SUGCT: variants seen among roughly 807,000 people sequenced by gnomAD.
The protein encoded by SUGCT is succinyl-CoA:glutarate-CoA transferase.
A neutral mutation model predicts 55.0 loss-of-function variants in SUGCT; 41 were observed. The observed-to-expected ratio is 0.74, with a 90% CI of 0.58 to 0.97. The LOEUF is 0.97. SUGCT is among the 50% of genes least tolerant of loss of function. The pLI is 0.00. For synonymous variants in SUGCT, 187 were observed against 200.4 expected, an observed-to-expected ratio of 0.93 and a Z score of 0.56; for missense variants, 568 against 547.8, an observed-to-expected ratio of 1.04 and a Z score of -0.37.
intron 10 of SUGCT, among the ~76,000 whole-genome samples, chr7:40,455,423 T>G (rs1471986685): frequency 3.3e-5 from 5 of 152,210 alleles, no homozygotes; most frequent in Admixed American, 3.3e-4. Flanking sequence ...CCCAACTCTA[T>G]GCTGTCCAAT....
chr7:40,479,074 A>G (rs566433710), intron 11 of SUGCT, among the ~76,000 whole-genome samples: 1 of 152,190 alleles, frequency 6.6e-6, no homozygotes, highest in East Asian at 1.9e-4. Flanking sequence ...ACCTATATAT[A>G]TACACACACA....
At position 40,609,833 on chromosome 7, in the gene SUGCT, G is replaced by A. The variant is rs185254991; in HGVS notation, c.1089+113447G>A. Among the ~76,000 whole-genome samples the A allele has an allele frequency of 3.4e-3, 510 of 152,232 alleles. 2 individuals are homozygous for A. Among genetic ancestry groups the A allele is most frequent in the African/African-American group, 0.012 (483 of 41,550 alleles). On this transcript the variant is annotated intron_variant, in intron 12 of 13. Transcript: ENST00000335693. ...ATAAGTCGACATTTCAAAACGCTAA[G>A]TGATTTGTTTTTTGATTTTTTTTAA...
rs1000199825 is a variant in SUGCT at position 40,139,146 on chromosome 7, A to G, written c.100+4026A>G. Among the ~76,000 whole-genome samples, 19 of 150,074 alleles carry G rather than the reference A, an allele frequency of 1.3e-4. 1 individual carries two copies. Among genetic ancestry groups the G allele is most frequent in the African/African-American group, 4.4e-4 (18 of 40,552 alleles). The stretch of plus-strand genomic sequence containing the variant: ...GGCTCAAAAATAAATAAATAAATAA[A>G]TAAATAAATAAATAAATAAATAAAT... On this transcript the variant is annotated intron_variant, in intron 1 of 13. Transcript: ENST00000335693.
At position 40,617,475 on chromosome 7, in the gene SUGCT, ATGTGTGTGTGTGTG is replaced by A. The variant is rs34487309; in HGVS notation, c.1089+121114_1089+121127del. Among the ~76,000 whole-genome samples the A allele has an allele frequency of 1.4e-3, 204 of 143,654 alleles. 1 individual carries two copies. The highest frequency in any genetic ancestry group is 3.6e-3 in the African/African-American group (141 of 39,456). The allele number at this position is 143,654 out of a possible 152,430, so 94.2% of individuals were successfully genotyped here. On this transcript the variant is annotated intron_variant, in intron 12 of 13. Transcript: ENST00000335693. Reference sequence around the variant, plus strand: ...TTCTGATTCAACTGGTTAGATTTATATGTGTGTGTGTGTGTGTGTGTGTGTGTGTGTGTGTGTGC... The same window carrying A: ...TTCTGATTCAACTGGTTAGATTTATATGTGTGTGTGTGTGTGTGTGTGTGC...
intron 13 of SUGCT, among the ~76,000 whole-genome samples, chr7:40,828,799 G>A (rs1792498061): frequency 1.3e-5 from 2 of 152,100 alleles, no homozygotes; most frequent in Non-Finnish European, 2.9e-5. Flanking sequence ...CACAGTTCCT[G>A]ACCTTCACTG....
At chr7:40,967,445 C>A in the SUGCT span, among the ~76,000 whole-genome samples, 24 of 152,136 alleles carry the variant, frequency 1.6e-4, no homozygotes, top group Non-Finnish European at 7.4e-5. Context: ...AAACTGATAA[C>A]CAGATCCTCC....
intron 12 of SUGCT, among the ~76,000 whole-genome samples, chr7:40,517,868 A>G (rs1793332070): frequency 6.6e-6 from 1 of 152,082 alleles, no homozygotes. Flanking sequence ...TTAAATCTAT[A>G]TTGCTGTATG....
At chr7:40,899,965 G>A in the SUGCT span, among the ~76,000 whole-genome samples, 1 of 152,186 alleles carries the variant, frequency 6.6e-6, no homozygotes, top group Non-Finnish European at 1.5e-5. Flanking sequence ...GGATCTGGCT[G>A]CGGTGGGCTG....
intron 12 of SUGCT, among the ~76,000 whole-genome samples, chr7:40,503,208 G>A (rs1265600755): frequency 6.6e-6 from 1 of 152,090 alleles, no homozygotes; most frequent in African/African-American, 2.4e-5. Context: ...TTGAATATAT[G>A]TAGAGACGTA....
chr7:40,498,642 A>G (rs1792115304), intron 12 of SUGCT, among the ~76,000 whole-genome samples: 1 of 152,210 alleles, frequency 6.6e-6, no homozygotes, highest in South Asian at 2.1e-4. Context: ...ATAAACTTCT[A>G]GACTTTAGTT....
At chr7:40,572,249 TC>T (rs1796489366) in intron 12 of SUGCT, among the ~76,000 whole-genome samples, 1 of 152,074 alleles carries the variant, frequency 6.6e-6, no homozygotes, top group African/African-American at 2.4e-5. Flanking sequence ...CTGTAAAAAT[TC>T]AGGGGGGAAA....
chr7:40,743,667 T>TA (rs1787581810), intron 12 of SUGCT, among the ~76,000 whole-genome samples: 1 of 152,194 alleles, frequency 6.6e-6, no homozygotes, highest in South Asian at 2.1e-4. Context: ...TATTGTTCTT[T>TA]ACTGTTAGTA....
At chr7:40,681,267 C>T (rs954046763) in intron 12 of SUGCT, among the ~76,000 whole-genome samples, 2 of 152,030 alleles carry the variant, frequency 1.3e-5, no homozygotes, top group Non-Finnish European at 2.9e-5. Context: ...AACTTTCAGC[C>T]CCACTTCCCC....
At chr7:40,343,009 G>C (rs1445987922) in intron 9 of SUGCT, among the ~76,000 whole-genome samples, 1 of 151,998 alleles carries the variant, frequency 6.6e-6, no homozygotes, top group Non-Finnish European at 1.5e-5. Context: ...ATATTTTTCT[G>C]TTTTTAGACA....
intron 12 of SUGCT, among the ~76,000 whole-genome samples, chr7:40,638,079 C>G (rs1800100774): frequency 6.6e-6 from 1 of 152,122 alleles, no homozygotes; most frequent in East Asian, 1.9e-4. Context: ...AAAAGAGCTC[C>G]CTCCTGTCAG....
At chr7:40,955,834 C>T in the SUGCT span, among the ~76,000 whole-genome samples, 1 of 152,068 alleles carries the variant, frequency 6.6e-6, no homozygotes, top group East Asian at 1.9e-4. Context: ...GAGTTTTTAG[C>T]ATGAAGGGTG....
chr7:40,634,003 T>C (rs1181659914), intron 12 of SUGCT, among the ~76,000 whole-genome samples: 1 of 152,184 alleles, frequency 6.6e-6, no homozygotes, highest in African/African-American at 2.4e-5. Context: ...GGGATCGTCA[T>C]GCTAACTTGA....
Position 40,666,394 on chromosome 7 carries a change from A to AAG in SUGCT, c.1090-83040_1090-83039insAG, listed in dbSNP as rs1562934861. Among the ~76,000 whole-genome samples the AAG allele has an allele frequency of 1.6e-3, 151 of 95,450 alleles. 1 individual carries two copies. The highest frequency in any genetic ancestry group is 9.8e-3 in the African/African-American group (143 of 14,620). The allele number at this position is 95,450 out of a possible 152,430, so 62.6% of individuals were successfully genotyped here. A position where few individuals can be genotyped will look rare whatever the true frequency, so the allele number is the denominator to read the frequency against. ...AGGAAGGAAGGAAGGAAGGAAGGAAAGAAAGAAAGTAGGGTTATAGGTTAG... is the reference window on the plus strand; with the variant it reads ...AGGAAGGAAGGAAGGAAGGAAGGAAAAGGAAAGAAAGTAGGGTTATAGGTTAG... On this transcript the variant is annotated intron_variant, in intron 12 of 13. Coordinates refer to ENST00000335693, the MANE Select transcript of SUGCT (RefSeq NM_001193313.2).
intron 12 of SUGCT, among the ~76,000 whole-genome samples, chr7:40,552,784 T>G (rs1251617219): frequency 1.4e-5 from 1 of 69,050 alleles, no homozygotes; most frequent in Non-Finnish European, 2.6e-5. Flanking sequence ...ACCACCCAGC[T>G]TTGTTTCCTG....
Sources: allele counts gnomAD v4.1 joint callset (sites outside exome capture counted in the v4.1 genomes callset), GRCh38; gene constraint gnomAD v4.1.1; transcripts MANE v1.5; gene names NCBI Gene and HGNC (gene_info 2026-07-23, HGNC 2026-07-21).